Variants in SHC4 observed in about 807,000 individuals in gnomAD.
SHC4 encodes the protein SHC adaptor protein 4, also known as SHC-transforming protein 4.
SHC4 carries 41 observed loss-of-function variants against 69.4 expected under a neutral mutation model. The ratio of observed to expected loss-of-function variants is 0.59; its 90% CI spans 0.46 to 0.77. SHC4 has a LOEUF of 0.77. Among genes scored for constraint, SHC4 ranks in the 30% least tolerant of loss-of-function variants. The probability of loss-of-function intolerance (pLI) is 0.00; values close to 1 mark genes in which losing one functional copy is unlikely to be tolerated. For missense variants in SHC4, 777 were observed against 783.8 expected, an observed-to-expected ratio of 0.99 and a Z score of 0.10; for synonymous variants, 318 against 299.3, an observed-to-expected ratio of 1.06 and a Z score of -0.64.
chr15:48,962,316 C>G, intron 1 of SHC4, 115 bp downstream of exon 1: 1 of 1,100,874 alleles, frequency 9.1e-7, no homozygotes, highest in South Asian at 1.8e-5. Context: ...CCAGTTGAAT[C>G]ATGTCCTGTC....
chr15:48,930,228 T>C (rs984288803), intron 1 of SHC4, among the ~76,000 whole-genome samples: 34 of 152,380 alleles, frequency 2.2e-4, no homozygotes, highest in African/African-American at 7.7e-4. Context: ...TTTATACTTT[T>C]GTACTGTTTA....
In SHC4 at chr15:48,923,388, TA is replaced by T. The variant is rs1380616846; in HGVS notation, c.656+1490del. Among the ~76,000 whole-genome samples, 6 of 151,928 alleles carry T rather than the reference TA, an allele frequency of 3.9e-5. No homozygotes were observed. The East Asian group carries it at 9.7e-4, about 25-fold the overall frequency. On this transcript the variant is annotated intron_variant, in intron 2 of 11. Transcript: ENST00000332408. ...CAACATAGTGAAACCCCATCTCTAC[TA>T]AAAATATGAAATTAGCCGGGTGTGG...
At chr15:48,926,482 A>C (rs1348805320) in intron 1 of SHC4, among the ~76,000 whole-genome samples, 1 of 148,968 alleles carries the variant, frequency 6.7e-6, no homozygotes, top group Admixed American at 6.7e-5. Flanking sequence ...TTTTCTTTTG[A>C]GATGGAGTCT....
chr15:48,858,508 G>A (rs981372528), intron 6 of SHC4, among the ~76,000 whole-genome samples: 3 of 152,184 alleles, frequency 2.0e-5, no homozygotes, highest in Non-Finnish European at 4.4e-5. Flanking sequence ...CCAGGAAGGC[G>A]CTAGTTTTCA....
chr15:48,928,392 G>A (rs142197025), intron 1 of SHC4, among the ~76,000 whole-genome samples: 7 of 152,212 alleles, frequency 4.6e-5, no homozygotes, highest in East Asian at 1.9e-4. Context: ...TAAAAGGAAA[G>A]GAGAGTACAG....
chr15:48,912,669 T>C (rs1423659549), intron 2 of SHC4, among the ~76,000 whole-genome samples: 2 of 152,134 alleles, frequency 1.3e-5, no homozygotes, highest in Non-Finnish European at 2.9e-5. Context: ...AGAGCCTTGT[T>C]TTGTCATATT....
chr15:48,934,045 C>T (rs1291467322), intron 1 of SHC4, among the ~76,000 whole-genome samples: 1 of 152,044 alleles, frequency 6.6e-6, no homozygotes, highest in Non-Finnish European at 1.5e-5. Flanking sequence ...AGATATGACA[C>T]CGAAAGCACC....
chr15:48,947,845 G>C (rs1202923039), intron 1 of SHC4: 1 of 152,086 alleles, frequency 6.6e-6, no homozygotes, highest in East Asian at 1.9e-4. Flanking sequence ...AGATGCAAAG[G>C]GCCCTCTAGA....
chr15:48,867,319 C>A (rs1567056868), intron 6 of SHC4, among the ~76,000 whole-genome samples: 1 of 152,108 alleles, frequency 6.6e-6, no homozygotes. Flanking sequence ...ACAGGAGGTG[C>A]TATCAAAGAA....
At chr15:48,930,345 G>A (rs1291053125) in intron 1 of SHC4, among the ~76,000 whole-genome samples, 1 of 152,220 alleles carries the variant, frequency 6.6e-6, no homozygotes, top group Non-Finnish European at 1.5e-5. Flanking sequence ...AAGAACCACA[G>A]TTTTATTGAG....
chr15:48,904,066 A>G (rs1900362706), intron 2 of SHC4, among the ~76,000 whole-genome samples: 1 of 152,196 alleles, frequency 6.6e-6, no homozygotes, highest in Non-Finnish European at 1.5e-5. Flanking sequence ...CTTTATGAAG[A>G]CCTTCCAGAG....
chr15:48,953,321 G>C (rs1220882882), intron 1 of SHC4, among the ~76,000 whole-genome samples: 1 of 152,068 alleles, frequency 6.6e-6, no homozygotes, highest in African/African-American at 2.4e-5. Flanking sequence ...ATGGGTACCA[G>C]GCTTAATACC....
rs201036938 is a variant in SHC4 at position 48,826,064 on chromosome 15, G to A, written c.1800C>T (p.Asn600=). Reference sequence around the variant, plus strand: ...TTCCAGAGGAGATGATTGGCAAACTGTTATCCATATGGTATCTGATAAGGT... The same window carrying A: ...TTCCAGAGGAGATGATTGGCAAACTATTATCCATATGGTATCTGATAAGGT... ...VGHLIRYHMD[N]SLPIISSGSE... is the part of the protein sequence containing the mutation. The change falls in exon 12 of 12, where the codon AAC becomes AAT. Residue 600 remains asparagine (N), a synonymous_variant. Coordinates refer to ENST00000332408, the MANE Select transcript of SHC4 (RefSeq NM_203349.4). 11 of 1,613,814 alleles carry A rather than the reference G, an allele frequency of 6.8e-6. No individual in the cohort carries two copies. Among genetic ancestry groups the A allele is most frequent in the Admixed American group, 5.0e-5 (3 of 59,980 alleles).
chr15:48,903,609 A>G (rs1900353486), intron 2 of SHC4, among the ~76,000 whole-genome samples: 1 of 152,160 alleles, frequency 6.6e-6, no homozygotes, highest in African/African-American at 2.4e-5. Context: ...CCTCATTTTA[A>G]AATCACTGGA....
rs1338889228 is a variant in SHC4, at chr15:48,864,687, T to C, written c.946+3131A>G. Among the ~76,000 whole-genome samples, 3 of 152,184 alleles carry C rather than the reference T, an allele frequency of 2.0e-5. No homozygotes were observed. The East Asian group carries it at 5.8e-4, about 29-fold the overall frequency. ...TGGTCTCCATCTCCTGACCTCATGA[T>C]CTGCCCGCCTCGGCCTCCCACAGTG... On this transcript the variant is annotated intron_variant, in intron 6 of 11. Transcript: ENST00000332408.
chr15:48,848,579 T>C (rs142219374), intron 9 of SHC4, among the ~76,000 whole-genome samples: 3 of 152,302 alleles, frequency 2.0e-5, no homozygotes, highest in African/African-American at 4.8e-5. Context: ...TATAAAAATA[T>C]ATCCCAGGCT....
intron 1 of SHC4, among the ~76,000 whole-genome samples, chr15:48,927,862 T>C (rs1900883759): frequency 6.6e-6 from 1 of 152,142 alleles, no homozygotes; most frequent in South Asian, 2.1e-4. Context: ...CATCACTGAT[T>C]GATTATTGGT....
chr15:48,891,751 T>A (rs779616141), intron 2 of SHC4, among the ~76,000 whole-genome samples: 9 of 152,250 alleles, frequency 5.9e-5, no homozygotes, highest in Non-Finnish European at 1.3e-4. Flanking sequence ...ATAGTTTTTA[T>A]ATATATTATA....
At chr15:48,924,282 G>T (rs143870118) in intron 2 of SHC4, among the ~76,000 whole-genome samples, 1 of 151,970 alleles carries the variant, frequency 6.6e-6, no homozygotes, top group East Asian at 1.9e-4. Context: ...CCTTCTTTCC[G>T]TCCTTGCTTT....
Sources: allele counts gnomAD v4.1 joint callset (sites outside exome capture counted in the v4.1 genomes callset), GRCh38; gene constraint gnomAD v4.1.1; transcripts MANE v1.5; gene names NCBI Gene and HGNC (gene_info 2026-07-23, HGNC 2026-07-21).